The following MRFAP1L2 variants were observed in gnomAD, a reference collection of about 807,000 sequenced individuals.
MRFAP1L2 encodes the protein Morf4 family associated protein 1 like 2.
the MRFAP1L2 span, chr4:6,675,304 CA>C: frequency 6.6e-6 from 1 of 152,194 alleles, no homozygotes; most frequent in East Asian, 1.9e-4. Flanking sequence ...ATTGTATTTT[CA>C]AAGTTTGGAA....
the MRFAP1L2 span, chr4:6,675,411 C>T: frequency 6.6e-6 from 1 of 152,110 alleles, no homozygotes; most frequent in African/African-American, 2.4e-5. Flanking sequence ...GAAGACACTA[C>T]ATGGTTGCAG....
the MRFAP1L2 span, chr4:6,674,255 G>A: frequency 6.8e-6 from 3 of 439,830 alleles, no homozygotes; most frequent in African/African-American, 2.1e-5. Flanking sequence ...GCCCCGCGAG[G>A]AGCCGGGCAG....
At chr4:6,674,532 T>C in the MRFAP1L2 span, 6 of 668,854 alleles carry the variant, frequency 9.0e-6, no homozygotes, top group South Asian at 7.7e-5. Context: ...AGGCGGATCG[T>C]GGAGCTGCAC....
chr4:6,674,707 G>A, the MRFAP1L2 span: 3 of 523,966 alleles, frequency 5.7e-6, no homozygotes, highest in East Asian at 3.5e-5. Context: ...TTTTTCATAG[G>A]TAATTAGAGA....
the MRFAP1L2 span, chr4:6,674,481 C>T: frequency 7.5e-6 from 5 of 667,310 alleles, no homozygotes; most frequent in Non-Finnish European, 1.3e-5. Context: ...CGGCTGTGCG[C>T]CGAAGCAGAG....
the MRFAP1L2 span, chr4:6,674,551 C>T: frequency 1.5e-5 from 10 of 661,318 alleles, no homozygotes; most frequent in South Asian, 1.2e-4. Context: ...ACCAGCGGAT[C>T]GCCGGCTGCG....
chr4:6,674,623 C>A, the MRFAP1L2 span: 1 of 576,700 alleles, frequency 1.7e-6, no homozygotes, highest in South Asian at 2.0e-5. Flanking sequence ...GAGTGTCCCG[C>A]GTGGAAGGCG....
At chr4:6,674,782 G>C in the MRFAP1L2 span, 2 of 490,294 alleles carry the variant, frequency 4.1e-6, no homozygotes, top group South Asian at 5.8e-5. Flanking sequence ...ACGTAGACCT[G>C]GTGGGTCACT....
the MRFAP1L2 span, chr4:6,675,269 T>G: frequency 2.0e-5 from 3 of 152,234 alleles, no homozygotes; most frequent in African/African-American, 7.2e-5. Context: ...CGCTGCTGCG[T>G]GGTCATATTT....
chr4:6,674,152 C>T, the MRFAP1L2 span: 5 of 385,128 alleles, frequency 1.3e-5, no homozygotes, highest in East Asian at 1.9e-4. Flanking sequence ...GCGAGGCTTC[C>T]GCGCTCGCTG....
chr4:6,675,493 TGGAC>T, the MRFAP1L2 span: 51,749 of 151,902 alleles, frequency 0.34, 10,878 homozygotes, highest in Non-Finnish European at 0.45. Context: ...GAAGGCCCAG[TGGAC>T]GGTTGGTCTT....
chr4:6,674,984 G>A, the MRFAP1L2 span: 1 of 159,576 alleles, frequency 6.3e-6, no homozygotes, highest in Non-Finnish European at 1.4e-5. Flanking sequence ...TCTCCCACTT[G>A]TACTTTAGGT....
chr4:6,674,706 G>C, the MRFAP1L2 span: 4 of 523,518 alleles, frequency 7.6e-6, no homozygotes, highest in African/African-American at 6.1e-5. Flanking sequence ...TTTTTTCATA[G>C]GTAATTAGAG....
chr4:6,674,478 G>C, the MRFAP1L2 span: 28 of 666,650 alleles, frequency 4.2e-5, no homozygotes, highest in Admixed American at 6.5e-5. Flanking sequence ...GCTCGGCTGT[G>C]CGCCGAAGCA....
chr4:6,674,620 C>T, the MRFAP1L2 span: 1 of 580,386 alleles, frequency 1.7e-6, no homozygotes. Context: ...GGGGAGTGTC[C>T]CGCGTGGAAG....
the MRFAP1L2 span, chr4:6,674,312 C>G: frequency 2.1e-5 from 13 of 615,948 alleles, no homozygotes; most frequent in Non-Finnish European, 3.5e-5. Context: ...CCTGGCCTCC[C>G]TGGAGCGCGA....
chr4:6,674,202 G>A, the MRFAP1L2 span: 21 of 395,578 alleles, frequency 5.3e-5, no homozygotes, highest in Admixed American at 3.1e-4. Flanking sequence ...GCTGGAAGAG[G>A]CGGCGGCGTG....
chr4:6,674,292 GC>G, the MRFAP1L2 span: 41 of 529,208 alleles, frequency 7.7e-5, no homozygotes, highest in Admixed American at 1.5e-3. Flanking sequence ...CCCCGCGCCG[GC>G]CGCGAGAACC....
chr4:6,674,841 G>A, the MRFAP1L2 span: 1 of 409,832 alleles, frequency 2.4e-6, no homozygotes, highest in African/African-American at 2.1e-5. Flanking sequence ...GGAAACGTGT[G>A]AATGTTGTTA....
Sources: gnomAD v4.1 joint callset for allele counts on GRCh38, gnomAD v4.1.1 for gene constraint, MANE v1.5 for transcripts, NCBI Gene and HGNC (gene_info 2026-07-23, HGNC 2026-07-21) for gene names.